The following DNM3 variants were observed in gnomAD, a reference collection of about 807,000 sequenced individuals.
DNM3 encodes dynamin 3, also known as dynamin-3.
Under a neutral mutation model 101.6 loss-of-function variants are expected in DNM3, and 47 were observed. The observed-to-expected ratio is 0.46, with a 90% confidence interval of 0.37 to 0.59. The LOEUF (loss-of-function observed/expected upper bound fraction) is 0.59, where lower values mean the gene tolerates loss of function less well. Ranked by LOEUF, DNM3 falls within the 20% of genes least tolerant of loss-of-function variation. DNM3 has a pLI of 0.00. For synonymous variants in DNM3, 385 were observed against 387.9 expected (o/e 0.99, Z 0.09); for missense variants, 849 against 1,085.7 (o/e 0.78, Z 3.06).
At chr1:172,290,458 G>A (rs1247423606) in intron 15 of DNM3, among the ~76,000 whole-genome samples, 2 of 152,098 alleles carry the variant, frequency 1.3e-5, no homozygotes, top group African/African-American at 2.4e-5. Context: ...CAAATAAAAA[G>A]GCCAATGTGG....
chr1:172,292,736 G>GT (rs1193786916), intron 15 of DNM3, among the ~76,000 whole-genome samples: 1 of 152,040 alleles, frequency 6.6e-6, no homozygotes, highest in Non-Finnish European at 1.5e-5. Context: ...TTGTGAAAAT[G>GT]TTTATCAAGT....
intron 10 of DNM3, among the ~76,000 whole-genome samples, chr1:172,050,182 C>T (rs6425598): frequency 0.016 from 2,382 of 152,242 alleles, 66 homozygotes; most frequent in African/African-American, 0.055. Flanking sequence ...TCCCTGCTGC[C>T]CTCACCTACT....
intron 17 of DNM3, among the ~76,000 whole-genome samples, chr1:172,360,270 A>G (rs1308838764): frequency 1.3e-5 from 2 of 152,026 alleles, no homozygotes; most frequent in Non-Finnish European, 2.9e-5. Context: ...AAAACAAAAT[A>G]AAATGCAAAG....
chr1:172,407,876 A>T lies in DNM3; in HGVS notation c.*35A>T, dbSNP rs752734837. On this transcript the variant is annotated 3_prime_UTR_variant, in exon 21 of 21. Transcript: ENST00000627582. ...CTGGCATGGCAATTAATCACTAATG[A>T]ATTATGCGAAAGCAACATATTTGAT... 6.2e-7 allele frequency: 1 copy of T among 1,612,636 alleles called. No homozygotes were observed. The highest frequency in any genetic ancestry group is 8.5e-7 in the Non-Finnish European group (1 of 1,178,896).
intron 15 of DNM3, among the ~76,000 whole-genome samples, chr1:172,290,398 C>T (rs528113588): frequency 7.2e-5 from 11 of 151,982 alleles, no homozygotes; most frequent in Non-Finnish European, 1.0e-4. Context: ...AAAGGATTGG[C>T]GCCTGCAAAA....
Position 172,411,964 on chromosome 1 carries a change from T to C in DNM3, c.*4123T>C, listed in dbSNP as rs1234693611. 1 of 985,804 alleles carries C rather than the reference T, an allele frequency of 1.0e-6. No individual in the cohort carries two copies. Among genetic ancestry groups the C allele is most frequent in the African/African-American group, 1.7e-5 (1 of 57,364 alleles). The allele number at this position is 985,804 out of a possible 1,614,324, so 61.1% of individuals were successfully genotyped here. The stretch of plus-strand genomic sequence containing the variant: ...TCTTACTCATCCTGTCTGGTTGCTA[T>C]GTTTAAAATTATGTGGTGCTGTGTA... On this transcript the variant is annotated 3_prime_UTR_variant, in exon 21 of 21. Transcript: ENST00000627582.
intron 14 of DNM3, among the ~76,000 whole-genome samples, chr1:172,250,409 C>T (rs1490882737): frequency 6.6e-6 from 1 of 152,086 alleles, no homozygotes; most frequent in Non-Finnish European, 1.5e-5. Flanking sequence ...GTTTTTAAAC[C>T]TCTTCACATT....
Position 171,922,394 on chromosome 1 carries a change from C to T in DNM3, c.235+573C>T, listed in dbSNP as rs536330117. ...TATTTGCCATTTGTATTTCTTCTCTCGTGAATTGGCCATTTTTCTTTTTCC... is the reference window on the plus strand; with the variant it reads ...TATTTGCCATTTGTATTTCTTCTCTTGTGAATTGGCCATTTTTCTTTTTCC... On this transcript the variant is annotated intron_variant, in intron 2 of 20. Transcript: ENST00000627582. 5.0e-4 allele frequency among the ~76,000 whole-genome samples: 76 copies of T among 151,770 alleles called. 1 individual carries two copies. The highest frequency in any genetic ancestry group is 1.6e-3 in the African/African-American group (68 of 41,338).
At chr1:172,011,653 A>G (rs1297466852) in intron 4 of DNM3, among the ~76,000 whole-genome samples, 1 of 152,078 alleles carries the variant, frequency 6.6e-6, no homozygotes, top group Non-Finnish European at 1.5e-5. Flanking sequence ...ATTCAGAAAC[A>G]GAGATTTCCA....
Position 172,077,508 on chromosome 1 carries a change from T to C in DNM3, c.1423-4324T>C, listed in dbSNP as rs2052762193. ...ACTGTGTCGCAGAGATTCTGGTACA[T>C]TGTGTCTTTGCTCTCATTGGTTGCA... On this transcript the variant is annotated intron_variant, in intron 11 of 20. Transcript: ENST00000627582. 3.3e-5 allele frequency among the ~76,000 whole-genome samples: 5 copies of C among 152,340 alleles called. No homozygotes were observed. In the South Asian group the frequency reaches 1.0e-3, roughly 32 times the overall value.
chr1:172,035,326 A>T (rs1019565953), intron 6 of DNM3, among the ~76,000 whole-genome samples: 10 of 152,200 alleles, frequency 6.6e-5, no homozygotes, highest in African/African-American at 2.4e-4. Context: ...ATGCCACAGC[A>T]AAGATAAATC....
intron 14 of DNM3, among the ~76,000 whole-genome samples, chr1:172,252,182 T>A (rs1484463498): frequency 6.6e-6 from 1 of 152,136 alleles, no homozygotes; most frequent in Non-Finnish European, 1.5e-5. Context: ...GCTATTTTGT[T>A]CTCTAAGCGA....
chr1:171,979,106 A>C (rs984851170), intron 2 of DNM3, among the ~76,000 whole-genome samples: 9 of 152,184 alleles, frequency 5.9e-5, no homozygotes, highest in African/African-American at 1.9e-4. Flanking sequence ...GGGAAGGAAC[A>C]GTCAGCAAAG....
chr1:171,947,059 A>G (rs1335416392), intron 2 of DNM3, among the ~76,000 whole-genome samples: 6 of 152,338 alleles, frequency 3.9e-5, no homozygotes, highest in African/African-American at 1.4e-4. Context: ...AACCATAGCA[A>G]TGCCCAATGC....
intron 18 of DNM3, chr1:172,380,708 T>C (rs1487322682): frequency 6.6e-6 from 1 of 152,078 alleles, no homozygotes; most frequent in Non-Finnish European, 1.5e-5. Flanking sequence ...AAATATAAAG[T>C]ACTAAACAAA....
chr1:171,922,324 CA>C (rs1315873294), intron 2 of DNM3, among the ~76,000 whole-genome samples: 5 of 151,936 alleles, frequency 3.3e-5, no homozygotes, highest in Non-Finnish European at 7.4e-5. Flanking sequence ...TTTTTATTTT[CA>C]TTTTATTTCA....
At chr1:172,185,518 G>A (rs2059492152) in intron 14 of DNM3, among the ~76,000 whole-genome samples, 1 of 152,080 alleles carries the variant, frequency 6.6e-6, no homozygotes, top group Admixed American at 6.6e-5. Flanking sequence ...TATATGCTTG[G>A]CAGAGGAAAG....
At position 172,253,004 on chromosome 1, in the gene DNM3, T is replaced by C. The variant is rs2062239078; in HGVS notation, c.1660-569T>C. Among the ~76,000 whole-genome samples, 4 of 152,136 alleles carry C rather than the reference T, an allele frequency of 2.6e-5. No individual in the cohort carries two copies. The South Asian group carries it at 6.2e-4, about 24-fold the overall frequency. On this transcript the variant is annotated intron_variant, in intron 14 of 20. Coordinates refer to ENST00000627582, the MANE Select transcript of DNM3 (RefSeq NM_015569.5). ...TCTAGACCCAAATGAGCAAGTACTT[T>C]TTATGCTTTATCATAGTTTATGGGG... is the stretch of plus-strand genomic sequence containing the variant.
chr1:172,041,979 C>T (rs2049426415), intron 7 of DNM3, 30 bp from the exon 8 acceptor site: 2 of 1,552,136 alleles, frequency 1.3e-6, no homozygotes, highest in Admixed American at 2.2e-5. Flanking sequence ...GTAACTTTGA[C>T]TTGAATCTAT....
Sources: gnomAD v4.1 joint callset for allele counts (sites outside exome capture counted in the v4.1 genomes callset) on GRCh38, gnomAD v4.1.1 for gene constraint, MANE v1.5 for transcripts, NCBI Gene and HGNC (gene_info 2026-07-23, HGNC 2026-07-21) for gene names.